The following MTMR8 variants were observed in gnomAD, a reference collection of about 807,000 sequenced individuals.
MTMR8 encodes the protein phosphatidylinositol-3,5-bisphosphate 3-phosphatase MTMR8.
MTMR8 carries 65 observed loss-of-function variants against 39.3 expected under a neutral mutation model. That is an observed-to-expected ratio of 1.65 (90% CI 1.35 to 2.03). The LOEUF (loss-of-function observed/expected upper bound fraction) is 2.03. Among genes scored for constraint, MTMR8 ranks in the 30% most tolerant of loss-of-function variants. The pLI, the probability that MTMR8 is intolerant of heterozygous loss-of-function variation, is 0.00. For synonymous variants in MTMR8, 245 were observed against 185.2 expected (o/e 1.32, Z -2.62); for missense variants, 777 against 538.9 (o/e 1.44, Z -4.37).
At chrX:64,314,384 G>T (rs1922401528) in intron 12 of MTMR8, among the ~76,000 whole-genome samples, 1 of 112,594 alleles carries the variant, frequency 8.9e-6, no homozygotes, top group East Asian at 2.8e-4. Flanking sequence ...GGCTCAGGAG[G>T]GCAGAGGCCT....
At chrX:64,391,649 G>A (rs1924693046) in intron 1 of MTMR8, among the ~76,000 whole-genome samples, 1 of 112,186 alleles carries the variant, frequency 8.9e-6, no homozygotes, top group African/African-American at 3.2e-5. Flanking sequence ...TGATGATAGT[G>A]ACTGGTAGCT....
intron 12 of MTMR8, among the ~76,000 whole-genome samples, chrX:64,302,288 G>T (rs1921915772): frequency 8.9e-6 from 1 of 112,487 alleles, no homozygotes; most frequent in African/African-American, 3.2e-5. Flanking sequence ...TTTTAAGCCG[G>T]TCTGAAAAGC....
chrX:64,289,886 A>T (rs1921340043), intron 12 of MTMR8, among the ~76,000 whole-genome samples: 1 of 110,958 alleles, frequency 9.0e-6, no homozygotes, highest in Non-Finnish European at 1.9e-5. Flanking sequence ...AAGTAAAATA[A>T]GCCAGATACA....
chrX:64,380,144 C>T (rs1368285764), intron 1 of MTMR8, among the ~76,000 whole-genome samples: 1 of 112,283 alleles, frequency 8.9e-6, no homozygotes, highest in Non-Finnish European at 1.9e-5. Flanking sequence ...CTGCACTGTG[C>T]CAGTTTCCCA....
chrX:64,363,895 C>T (rs894664268), intron 1 of MTMR8, among the ~76,000 whole-genome samples: 2 of 112,204 alleles, frequency 1.8e-5, no homozygotes, highest in Non-Finnish European at 3.8e-5. Context: ...AAATACTGTG[C>T]TTTTCCAACA....
Position 64,362,684 on chromosome X carries a change from A to G in MTMR8, c.25-3157T>C, listed in dbSNP as rs185118637. 2.2e-3 allele frequency among the ~76,000 whole-genome samples: 245 copies of G among 109,825 alleles called. 1 individual carries two copies. Among genetic ancestry groups the G allele is most frequent in the South Asian group, 8.2e-3 (21 of 2,551 alleles). On this transcript the variant is annotated intron_variant, in intron 1 of 13. Transcript: ENST00000374852. ...TAAGGCCATATCCTTACCTAACACC[A>G]TATACAAAACTAGACTCTAGATATA...
At chrX:64,395,249 G>A in intron 1 of MTMR8, 91 bp downstream of exon 1, 1 of 970,417 alleles carries the variant, frequency 1.0e-6, no homozygotes, top group Non-Finnish European at 1.5e-6. Context: ...GTCAAAGAAG[G>A]CTGAGAAGGC....
At chrX:64,287,613 C>T (rs928040071) in intron 12 of MTMR8, among the ~76,000 whole-genome samples, 1 of 110,709 alleles carries the variant, frequency 9.0e-6, no homozygotes, top group Middle Eastern at 4.7e-3. Context: ...GCTACCAAAA[C>T]AGAGATATAG....
intron 11 of MTMR8, among the ~76,000 whole-genome samples, chrX:64,331,038 C>A (rs1288244262): frequency 9.0e-6 from 1 of 111,264 alleles, no homozygotes; most frequent in Non-Finnish European, 1.9e-5. Context: ...GATGGGTGAA[C>A]CAAAGTCTCA....
intron 4 of MTMR8, among the ~76,000 whole-genome samples, chrX:64,353,781 G>A (rs144745595): frequency 1.2e-4 from 13 of 109,989 alleles, no homozygotes; most frequent in South Asian, 3.9e-4. Flanking sequence ...AAACAAATTC[G>A]CCAGGCATGG....
chrX:64,272,630 C>T (rs1416996037), intron 12 of MTMR8, among the ~76,000 whole-genome samples: 1 of 110,937 alleles, frequency 9.0e-6, no homozygotes, highest in Non-Finnish European at 1.9e-5. Context: ...TGACTGAAAA[C>T]CCCCTAAATC....
At chrX:64,358,173 T>C (rs1339899848) in intron 2 of MTMR8, among the ~76,000 whole-genome samples, 3 of 111,783 alleles carry the variant, frequency 2.7e-5, no homozygotes, top group Non-Finnish European at 5.6e-5. Flanking sequence ...TTACTAATTA[T>C]ATAATCTAAC....
chrX:64,298,088 C>A (rs1192172472), intron 12 of MTMR8, among the ~76,000 whole-genome samples: 1 of 79,107 alleles, frequency 1.3e-5, no homozygotes, highest in Non-Finnish European at 2.4e-5. Context: ...TCCATATGAA[C>A]TTTAAAGTAG....
chrX:64,341,881 T>A (rs1489816911), intron 8 of MTMR8, among the ~76,000 whole-genome samples: 2 of 112,236 alleles, frequency 1.8e-5, no homozygotes, highest in Non-Finnish European at 3.8e-5. Context: ...TTCTGAAATG[T>A]TTACTTCTTT....
At chrX:64,323,391 C>G (rs1264290581) in intron 12 of MTMR8, among the ~76,000 whole-genome samples, 1 of 111,740 alleles carries the variant, frequency 8.9e-6, no homozygotes, top group Non-Finnish European at 1.9e-5. Flanking sequence ...TATGTATACA[C>G]CTAACACCAG....
intron 12 of MTMR8, chrX:64,306,494 A>G: frequency 6.7e-6 from 1 of 148,481 alleles, no homozygotes; most frequent in Non-Finnish European, 1.3e-5. Context: ...TTTCTTAGTT[A>G]TCACTTGAAG....
intron 1 of MTMR8, among the ~76,000 whole-genome samples, chrX:64,377,553 A>C (rs764823967): frequency 8.9e-6 from 1 of 112,485 alleles, no homozygotes; most frequent in Admixed American, 9.4e-5. Context: ...TGTTTTGGCC[A>C]ATATATCCCC....
intron 5 of MTMR8, 81 bp from the exon 6 acceptor site, chrX:64,348,875 G>C (rs1300722249): frequency 1.0e-5 from 11 of 1,054,232 alleles, no homozygotes; most frequent in African/African-American, 1.9e-5. Context: ...CAGGTTCCAT[G>C]AGTAGAGGGA....
intron 6 of MTMR8, among the ~76,000 whole-genome samples, chrX:64,348,325 G>T (rs762573508): frequency 9.0e-6 from 1 of 110,926 alleles, no homozygotes; most frequent in South Asian, 3.8e-4. Context: ...TTCTCTAACA[G>T]TAAATCTAGA....
Sources: gnomAD v4.1 joint callset for allele counts (sites outside exome capture counted in the v4.1 genomes callset) on GRCh38, gnomAD v4.1.1 for gene constraint, MANE v1.5 for transcripts, NCBI Gene and HGNC (gene_info 2026-07-23, HGNC 2026-07-21) for gene names.